Variants in SPTLC1 observed in about 807,000 individuals in gnomAD.
SPTLC1 encodes serine palmitoyltransferase long chain base subunit 1, also known as serine palmitoyltransferase 1.
A neutral mutation model predicts 68.9 loss-of-function variants in SPTLC1; 55 were observed. The ratio of observed to expected loss-of-function variants is 0.80; its 90% CI spans 0.64 to 1.00. The LOEUF is 1.00. Ranked by LOEUF, SPTLC1 falls within the 50% of genes least tolerant of loss-of-function variation. SPTLC1 has a pLI of 0.00. For synonymous variants in SPTLC1, 197 were observed against 201.6 expected (o/e 0.98, Z 0.19); for missense variants, 449 against 573.1 (o/e 0.78, Z 2.21).
rs775463995 is a variant in SPTLC1 at position 92,095,841 on chromosome 9, C to T, written c.260+12899G>A. On this transcript the variant is annotated intron_variant, in intron 3 of 14. Coordinates refer to ENST00000262554, the MANE Select transcript of SPTLC1 (RefSeq NM_006415.4). ...CCAGCAGTGAAAAGCCAAGCAGCAA[C>T]GCCTGAAACATGCTCCCAAACTGGG... Among the ~76,000 whole-genome samples the T allele has an allele frequency of 6.6e-5, 10 of 152,182 alleles. No individual in the cohort carries two copies. The South Asian group carries it at 8.3e-4, about 13-fold the overall frequency.
rs533050216 is a variant in SPTLC1 at position 92,111,527 on chromosome 9, T to C, written c.165+928A>G. ...CCTAAAGCCCACATAGAAGTCTCTA[T>C]TGCCAGCTCAGTAGTTAGGAGGCTA... On this transcript the variant is annotated intron_variant, in intron 2 of 14. Transcript: ENST00000262554. 6 of 152,328 alleles carry C rather than the reference T, an allele frequency of 3.9e-5. No homozygotes were observed. In the East Asian group the frequency reaches 5.8e-4, roughly 15 times the overall value. The allele number at this position is 152,328 out of a possible 1,614,324, so 9.4% of individuals were successfully genotyped here.
At chr9:92,066,573 T>A (rs556994282) in intron 6 of SPTLC1, among the ~76,000 whole-genome samples, 1 of 152,202 alleles carries the variant, frequency 6.6e-6, no homozygotes, top group East Asian at 1.9e-4. Flanking sequence ...TGGTACAAAA[T>A]CAGCCTGAAA....
At chr9:92,107,164 C>T (rs1050997867) in intron 3 of SPTLC1, among the ~76,000 whole-genome samples, 4 of 152,076 alleles carry the variant, frequency 2.6e-5, no homozygotes, top group Admixed American at 6.5e-5. Context: ...TTGAAGAACA[C>T]GGAGATAGAA....
rs1834352155 is a variant in SPTLC1 at position 92,067,976 on chromosome 9, T to C, written c.550A>G (p.Ile184Val). The change falls in exon 6 of 15, where the codon ATT becomes GTT. Residue 184 changes from isoleucine to valine, a missense_variant. Transcript: ENST00000262554. ...AIPAYSKRGD[I>V]VFVDRAACFA... ...GTAAAGTTTACTTACACAAAAACAA[T>C]GTCCCCTCTTTTAGAGTAAGCAGGA... The C allele has an allele frequency of 1.2e-6, 2 of 1,613,960 alleles. No individual in the cohort carries two copies. The highest frequency in any genetic ancestry group is 1.7e-6 in the Non-Finnish European group (2 of 1,179,970).
Position 92,034,884 on chromosome 9 carries a change from C to A in SPTLC1, c.1255-1G>T. 6.2e-7 allele frequency: 1 copy of A among 1,613,118 alleles called. No homozygotes were observed. Among genetic ancestry groups the A allele is most frequent in the Non-Finnish European group, 8.5e-7 (1 of 1,179,922 alleles). On this transcript the variant is annotated splice_acceptor_variant, in intron 13 of 14. Coordinates refer to ENST00000262554, the MANE Select transcript of SPTLC1 (RefSeq NM_006415.4). LOFTEE classifies it high-confidence loss of function. ...TTAATGCAATACTTCTGTTCATGCA[C>A]TGTAGGAAGAAAAAGAAGACATCTG...
At chr9:92,089,589 A>G (rs1389248152) in intron 3 of SPTLC1, among the ~76,000 whole-genome samples, 1 of 152,222 alleles carries the variant, frequency 6.6e-6, no homozygotes, top group Non-Finnish European at 1.5e-5. Flanking sequence ...AAAAATATGA[A>G]AGAGTACATA....
At chr9:92,089,113 A>G (rs1413742109) in intron 3 of SPTLC1, among the ~76,000 whole-genome samples, 1 of 152,176 alleles carries the variant, frequency 6.6e-6, no homozygotes, top group Non-Finnish European at 1.5e-5. Flanking sequence ...AAAGTTACTA[A>G]GAAAAGGACA....
At chr9:92,104,541 T>G in intron 3 of SPTLC1, 1 of 1,434,740 alleles carries the variant, frequency 7.0e-7, no homozygotes, top group Non-Finnish European at 9.5e-7. Context: ...AACTCCAGGA[T>G]GTTTGGACAC....
intron 3 of SPTLC1, among the ~76,000 whole-genome samples, chr9:92,087,973 G>A (rs1019484474): frequency 2.6e-5 from 4 of 152,212 alleles, no homozygotes; most frequent in Non-Finnish European, 5.9e-5. Flanking sequence ...TCCCGGCCTC[G>A]CTGCCGCCTT....
In SPTLC1 at chr9:92,031,457, T is replaced by C. The variant is rs931695943; in HGVS notation, c.*1008A>G. The C allele has an allele frequency of 2.0e-5, 3 of 152,242 alleles. No homozygotes were observed. The highest frequency in any genetic ancestry group is 4.4e-5 in the Non-Finnish European group (3 of 68,010). The allele number at this position is 152,242 out of a possible 1,614,324, so 9.4% of individuals were successfully genotyped here. A position where few individuals can be genotyped will look rare whatever the true frequency, so the allele number is the denominator to read the frequency against. On this transcript the variant is annotated 3_prime_UTR_variant, in exon 15 of 15. Transcript: ENST00000262554. ...TAACAAACCTTTACACCACATAACCTGGTTTGCTAAAGAAAAAACAGGTAA... is the reference window on the plus strand; with the variant it reads ...TAACAAACCTTTACACCACATAACCCGGTTTGCTAAAGAAAAAACAGGTAA...
At chr9:92,076,171 C>T (rs1834677608) in intron 5 of SPTLC1, among the ~76,000 whole-genome samples, 2 of 152,182 alleles carry the variant, frequency 1.3e-5, no homozygotes, top group Admixed American at 1.3e-4. Flanking sequence ...TCACATCCTC[C>T]ACCGCCACCC....
chr9:92,085,289 G>T (rs1223743730), intron 3 of SPTLC1, among the ~76,000 whole-genome samples: 2 of 145,272 alleles, frequency 1.4e-5, no homozygotes, highest in Admixed American at 6.8e-5. Context: ...GCTAGCTTTT[G>T]AATGTGTTTG....
intron 5 of SPTLC1, among the ~76,000 whole-genome samples, chr9:92,075,529 G>A (rs1167101802): frequency 1.3e-5 from 2 of 152,188 alleles, no homozygotes; most frequent in African/African-American, 2.4e-5. Flanking sequence ...GGGCTGCGCT[G>A]TAGGAATTCT....
At chr9:92,063,694 G>T (rs138493730) in intron 6 of SPTLC1, among the ~76,000 whole-genome samples, 7 of 152,070 alleles carry the variant, frequency 4.6e-5, no homozygotes, top group Non-Finnish European at 8.8e-5. Flanking sequence ...ATGCAAGGCT[G>T]GTTCAATATT....
intron 4 of SPTLC1, 118 bp from the exon 5 acceptor site, chr9:92,080,206 T>C (rs965532978): frequency 1.0e-5 from 8 of 790,074 alleles, no homozygotes; most frequent in African/African-American, 5.2e-5. Context: ...TAACAGAATA[T>C]AAAGAAGAGA....
intron 8 of SPTLC1, among the ~76,000 whole-genome samples, chr9:92,054,771 G>C (rs1034671288): frequency 6.6e-6 from 1 of 152,110 alleles, no homozygotes; most frequent in Non-Finnish European, 1.5e-5. Context: ...AAATTAGCTG[G>C]GGGTGTCTGC....
At chr9:92,055,336 G>A in intron 8 of SPTLC1, 69 bp downstream of exon 8, 1 of 1,605,570 alleles carries the variant, frequency 6.2e-7, no homozygotes, top group Admixed American at 1.7e-5. Context: ...ACTAAAAGCG[G>A]TCATAAACAA....
At chr9:92,057,799 TAGAA>T (rs1406286736) in intron 7 of SPTLC1, among the ~76,000 whole-genome samples, 2 of 152,214 alleles carry the variant, frequency 1.3e-5, no homozygotes, top group Non-Finnish European at 2.9e-5. Flanking sequence ...TAGAGTTACT[TAGAA>T]AGCCTGCTCT....
intron 12 of SPTLC1, among the ~76,000 whole-genome samples, chr9:92,040,584 C>T (rs7039671): frequency 1.4e-3 from 209 of 151,638 alleles, no homozygotes; most frequent in African/African-American, 4.7e-3. Flanking sequence ...GTGGTGAAAC[C>T]CCGTCTCTAC....
Sources: gnomAD v4.1 joint callset for allele counts (sites outside exome capture counted in the v4.1 genomes callset) on GRCh38, gnomAD v4.1.1 for gene constraint, MANE v1.5 for transcripts, NCBI Gene and HGNC (gene_info 2026-07-23, HGNC 2026-07-21) for gene names.